NRG1: variants seen among roughly 807,000 people sequenced by gnomAD.
The protein encoded by NRG1 is neuregulin 1.
NRG1 carries 18 observed loss-of-function variants against 63.8 expected under a neutral mutation model. That is an observed-to-expected ratio of 0.28 (90% confidence interval 0.19 to 0.42). The LOEUF is 0.42. Ranked by LOEUF, NRG1 falls within the 10% of genes least tolerant of loss-of-function variation. NRG1 has a pLI of 1.00. For synonymous variants in NRG1, 302 were observed against 301.3 expected (o/e 1.00, Z -0.02); for missense variants, 762 against 814.7 (o/e 0.94, Z 0.79).
At chr8:32,274,339 G>C (rs1033078022) in intron 1 of NRG1, among the ~76,000 whole-genome samples, 1 of 152,124 alleles carries the variant, frequency 6.6e-6, no homozygotes, top group Non-Finnish European at 1.5e-5. Flanking sequence ...CCAATGCTTT[G>C]TGTGAAAAGG....
chr8:32,376,447 G>T (rs951248603), intron 1 of NRG1, among the ~76,000 whole-genome samples: 6 of 152,104 alleles, frequency 3.9e-5, no homozygotes, highest in Non-Finnish European at 8.8e-5. Context: ...CCATTCCCTT[G>T]ACATGGTGAT....
chr8:31,774,905 T>C (rs564144121), intron 1 of NRG1, among the ~76,000 whole-genome samples: 44 of 152,222 alleles, frequency 2.9e-4, no homozygotes, highest in African/African-American at 1.1e-3. Context: ...GTCAGAATAG[T>C]TATTATTAAA....
chr8:32,022,248 C>T (rs1271438306), intron 1 of NRG1, among the ~76,000 whole-genome samples: 1 of 152,122 alleles, frequency 6.6e-6, no homozygotes, highest in African/African-American at 2.4e-5. Context: ...TGACTTATTG[C>T]TTAAGTCAGA....
At chr8:32,070,718 A>G (rs1056726403) in intron 1 of NRG1, among the ~76,000 whole-genome samples, 3 of 152,230 alleles carry the variant, frequency 2.0e-5, no homozygotes, top group Non-Finnish European at 4.4e-5. Flanking sequence ...GCCGGTAACC[A>G]TGTGCTTACA....
At chr8:32,580,651 A>G (rs1370614395) in intron 1 of NRG1, among the ~76,000 whole-genome samples, 1 of 152,194 alleles carries the variant, frequency 6.6e-6, no homozygotes, top group East Asian at 1.9e-4. Context: ...ATGGGAGACT[A>G]AGACTTGAAA....
rs145924395 is a variant in NRG1, at chr8:32,350,709, A to G, written c.38-245119A>G. 3.5e-3 allele frequency among the ~76,000 whole-genome samples: 531 copies of G among 152,208 alleles called. 2 individuals are homozygous for G. The highest frequency in any genetic ancestry group is 0.012 in the African/African-American group (495 of 41,552). On this transcript the variant is annotated intron_variant, in intron 1 of 10. Transcript: ENST00000519301. ...TATTCATAACTATTCCATAATATGTATTCTTATATCCTGTATAATAAAATA... is the reference window on the plus strand; with the variant it reads ...TATTCATAACTATTCCATAATATGTGTTCTTATATCCTGTATAATAAAATA...
chr8:31,891,105 C>A (rs1360113394), intron 1 of NRG1, among the ~76,000 whole-genome samples: 1 of 152,030 alleles, frequency 6.6e-6, no homozygotes, highest in African/African-American at 2.4e-5. Context: ...AATAATGGGT[C>A]GACTTGATAC....
intron 5 of NRG1, among the ~76,000 whole-genome samples, chr8:32,698,982 A>G (rs1281008622): frequency 3.3e-5 from 5 of 152,226 alleles, no homozygotes. Context: ...TCATTTACAA[A>G]TAAGGTGTAA....
At chr8:32,022,744 TA>T (rs1816652099) in intron 1 of NRG1, among the ~76,000 whole-genome samples, 1 of 152,216 alleles carries the variant, frequency 6.6e-6, no homozygotes, top group Admixed American at 6.5e-5. Flanking sequence ...TAATTGTATA[TA>T]TTTTTTTCAC....
At chr8:32,413,138 C>G (rs1490132622) in intron 1 of NRG1, among the ~76,000 whole-genome samples, 4 of 152,026 alleles carry the variant, frequency 2.6e-5, no homozygotes, top group Non-Finnish European at 5.9e-5. Context: ...AAGAATTTAC[C>G]CTAAGTAATA....
intron 1 of NRG1, among the ~76,000 whole-genome samples, chr8:32,014,708 C>A (rs901758488): frequency 6.9e-6 from 1 of 144,646 alleles, no homozygotes; most frequent in Non-Finnish European, 1.5e-5. Flanking sequence ...GAATTTTGAG[C>A]CCCCCAACCC....
At position 31,989,906 on chromosome 8, in the gene NRG1, C is replaced by A. The variant is rs188270312; in HGVS notation, c.37+350475C>A. ...ACTTTGTGCTTATGTGAATTCTCCA[C>A]GTCTCAAAGGCATTATGTCTAGCAA... On this transcript the variant is annotated intron_variant, in intron 1 of 10. Transcript: ENST00000519301. Among the ~76,000 whole-genome samples the A allele has an allele frequency of 4.0e-3, 615 of 152,176 alleles. 7 individuals carry two copies. Among genetic ancestry groups the A allele is most frequent in the African/African-American group, 0.014 (572 of 41,550 alleles).
At chr8:31,738,855 G>A (rs1814961188) in intron 1 of NRG1, among the ~76,000 whole-genome samples, 1 of 152,008 alleles carries the variant, frequency 6.6e-6, no homozygotes, top group Admixed American at 6.6e-5. Context: ...CTTTTTGTAA[G>A]TACACCAGCC....
intron 1 of NRG1, among the ~76,000 whole-genome samples, chr8:32,195,275 A>G (rs1032455821): frequency 1.3e-5 from 2 of 152,064 alleles, no homozygotes; most frequent in African/African-American, 4.8e-5. Context: ...ATCTACAAAA[A>G]CTATATTAAA....
At chr8:31,795,066 G>A (rs1821075291) in intron 1 of NRG1, among the ~76,000 whole-genome samples, 1 of 152,144 alleles carries the variant, frequency 6.6e-6, no homozygotes, top group African/African-American at 2.4e-5. Context: ...GCCTCCCAAA[G>A]TGCTGGGATT....
intron 5 of NRG1, among the ~76,000 whole-genome samples, chr8:32,618,661 T>A (rs1392707263): frequency 6.6e-6 from 1 of 152,202 alleles, no homozygotes. Flanking sequence ...TCAGTAAATA[T>A]GGTTGAATTG....
intron 1 of NRG1, among the ~76,000 whole-genome samples, chr8:31,870,263 T>C (rs1343603627): frequency 6.6e-6 from 1 of 152,106 alleles, no homozygotes; most frequent in East Asian, 1.9e-4. Context: ...ATGGTAAATT[T>C]AGTCTAATTA....
intron 1 of NRG1, among the ~76,000 whole-genome samples, chr8:32,435,437 G>A (rs1310900906): frequency 6.6e-6 from 1 of 152,152 alleles, no homozygotes; most frequent in Non-Finnish European, 1.5e-5. Flanking sequence ...GGTAATTGTT[G>A]AGACCTCCCC....
intron 1 of NRG1, among the ~76,000 whole-genome samples, chr8:31,717,993 T>C (rs559033881): frequency 1.3e-5 from 2 of 152,288 alleles, no homozygotes; most frequent in East Asian, 3.9e-4. Flanking sequence ...TTCTATATTC[T>C]AGTTTGGTTA....
Sources: allele counts gnomAD v4.1 joint callset (sites outside exome capture counted in the v4.1 genomes callset), GRCh38; gene constraint gnomAD v4.1.1; transcripts MANE v1.5; gene names NCBI Gene and HGNC (gene_info 2026-07-23, HGNC 2026-07-21).